PHC3: variants seen among roughly 807,000 people sequenced by gnomAD.
The protein encoded by PHC3 is polyhomeotic homolog 3.
PHC3 carries 13 observed loss-of-function variants against 107.4 expected under a neutral mutation model. The observed-to-expected ratio is 0.12, with a 90% CI of 0.08 to 0.19. The LOEUF is 0.19. PHC3 is among the 10% of genes least tolerant of loss of function. The probability of loss-of-function intolerance (pLI) is 1.00; values close to 1 mark genes in which losing one functional copy is unlikely to be tolerated. For synonymous variants in PHC3, 456 were observed against 427.4 expected (o/e 1.07, Z -0.83); for missense variants, 992 against 1,210.9 (o/e 0.82, Z 2.68).
At chr3:170,176,133 G>A (rs950784429) in intron 2 of PHC3, among the ~76,000 whole-genome samples, 3 of 151,096 alleles carry the variant, frequency 2.0e-5, no homozygotes, top group Non-Finnish European at 4.4e-5. Context: ...GGCTGAAGCA[G>A]GAGAATCGCT....
intron 8 of PHC3, among the ~76,000 whole-genome samples, chr3:170,124,863 A>G (rs1560056535): frequency 6.6e-6 from 1 of 152,226 alleles, no homozygotes; most frequent in Non-Finnish European, 1.5e-5. Flanking sequence ...TTTCACCTAT[A>G]AGGATATAAC....
rs1713648053 is a variant in PHC3, at chr3:170,087,896, C to T, written c.*9334G>A. 6.6e-6 allele frequency: 1 copy of T among 152,148 alleles called. No individual in the cohort carries two copies. The highest frequency in any genetic ancestry group is 6.5e-5 in the Admixed American group (1 of 15,270). The allele number at this position is 152,148 out of a possible 1,614,324, so 9.4% of individuals were successfully genotyped here. A position where few individuals can be genotyped will look rare whatever the true frequency, so the allele number is the denominator to read the frequency against. ...ACAAATATGAAAATCTAAATTCATA[C>T]ACATGCTACTTAATATGAAAGTGCT... On this transcript the variant is annotated 3_prime_UTR_variant, in exon 15 of 15. Coordinates refer to ENST00000495893, the MANE Select transcript of PHC3 (RefSeq NM_024947.4).
At chr3:170,134,169 G>A (rs924727427) in intron 7 of PHC3, among the ~76,000 whole-genome samples, 2 of 151,688 alleles carry the variant, frequency 1.3e-5, no homozygotes, top group African/African-American at 2.4e-5. Context: ...ATAAGAATTC[G>A]TGTCTAACTA....
At chr3:170,139,149 A>C (rs547639292) in intron 6 of PHC3, among the ~76,000 whole-genome samples, 5 of 152,314 alleles carry the variant, frequency 3.3e-5, no homozygotes, top group African/African-American at 1.2e-4. Flanking sequence ...TGAAATACTG[A>C]GACTCGCTAG....
chr3:170,143,723 T>C (rs144976265), intron 6 of PHC3, among the ~76,000 whole-genome samples: 1 of 152,294 alleles, frequency 6.6e-6, no homozygotes, highest in African/African-American at 2.4e-5. Context: ...GTAACTTACA[T>C]ACAATAAAAC....
chr3:170,171,264 A>G (rs1325163510), intron 4 of PHC3, 109 bp downstream of exon 4: 2 of 748,562 alleles, frequency 2.7e-6, no homozygotes, highest in African/African-American at 3.6e-5. Flanking sequence ...GTTACTTTAA[A>G]CAGCATGCAA....
intron 1 of PHC3, among the ~76,000 whole-genome samples, chr3:170,179,596 C>T (rs1731061538): frequency 6.6e-6 from 1 of 152,118 alleles, no homozygotes; most frequent in Non-Finnish European, 1.5e-5. Flanking sequence ...AGCAACTTCC[C>T]ATACCCTTAC....
At position 170,094,951 on chromosome 3, in the gene PHC3, G is replaced by A; in HGVS notation, c.*2279C>T. ...CAAAATTGATACCTTAAAGGCCATA[G>A]GTAATACAGTTATAGGATGTAATCA... On this transcript the variant is annotated 3_prime_UTR_variant, in exon 15 of 15. Transcript: ENST00000495893. 1 of 152,092 alleles carries A rather than the reference G, an allele frequency of 6.6e-6. No homozygotes were observed. The highest frequency in any genetic ancestry group is 2.4e-5 in the African/African-American group (1 of 41,428). 9.4% of individuals were successfully genotyped at this position (152,092 alleles called of 1,614,324 possible). A position where few individuals can be genotyped will look rare whatever the true frequency, so the allele number is the denominator to read the frequency against.
At chr3:170,125,514 T>G (rs190697477) in intron 8 of PHC3, among the ~76,000 whole-genome samples, 2 of 152,332 alleles carry the variant, frequency 1.3e-5, no homozygotes, top group Non-Finnish European at 2.9e-5. Flanking sequence ...CTCTCTTTAA[T>G]CCTAATGCAG....
intron 4 of PHC3, among the ~76,000 whole-genome samples, chr3:170,156,623 A>G (rs1726946825): frequency 6.7e-6 from 1 of 150,350 alleles, no homozygotes; most frequent in African/African-American, 2.5e-5. Flanking sequence ...TTTGAGATGG[A>G]GTCTCACTCT....
rs187757771 is a variant in PHC3, at chr3:170,155,211, T to C, written c.415-5967A>G. Among the ~76,000 whole-genome samples the C allele has an allele frequency of 1.2e-4, 19 of 152,310 alleles. 1 individual carries two copies. Among genetic ancestry groups the C allele is most frequent in the South Asian group, 6.2e-4 (3 of 4,832 alleles). Reference sequence around the variant, plus strand: ...CCCATAGCCAAAGTCCATTTGAGAGTTGCCTCTACCGTTTCACTGATCAGA... The same window carrying C: ...CCCATAGCCAAAGTCCATTTGAGAGCTGCCTCTACCGTTTCACTGATCAGA... On this transcript the variant is annotated intron_variant, in intron 4 of 14. Transcript: ENST00000495893.
chr3:170,181,588 C>A, intron 1 of PHC3, 114 bp downstream of exon 1: 2 of 1,502,264 alleles, frequency 1.3e-6, no homozygotes, highest in Non-Finnish European at 1.8e-6. Context: ...GGTCTCGAGT[C>A]TCTCTTTCCC....
intron 4 of PHC3, among the ~76,000 whole-genome samples, chr3:170,158,173 A>C (rs76689235): frequency 6.6e-6 from 1 of 152,268 alleles, no homozygotes; most frequent in Non-Finnish European, 1.5e-5. Flanking sequence ...GAGCTCTTCA[A>C]ACGTCATGAA....
chr3:170,102,602 G>A lies in PHC3; in HGVS notation c.2710C>T (p.Arg904Cys), dbSNP rs944861836. ...CGAATTCTCACATCCCGAAGCTCAC[G>A]TTCTCTTTCCCGCTCGCTCTGCCTG... ...LRRQSERERE[R>C]ELRDVRIRKM... The change falls in exon 14 of 15, where the codon CGT becomes TGT. Residue 904 changes from arginine to cysteine, a missense_variant. This residue lies in a region of PHC3 where 228 missense variants were observed against 288.8 expected (regional missense o/e 0.79). Coordinates refer to ENST00000495893, the MANE Select transcript of PHC3 (RefSeq NM_024947.4). 8.1e-6 allele frequency: 13 copies of A among 1,613,828 alleles called. No homozygotes were observed. The highest frequency in any genetic ancestry group is 5.3e-5 in the African/African-American group (4 of 74,908).
chr3:170,110,585 A>G (rs1454694259), intron 11 of PHC3, among the ~76,000 whole-genome samples: 1 of 152,196 alleles, frequency 6.6e-6, no homozygotes, highest in African/African-American at 2.4e-5. Context: ...CAGTGTGACT[A>G]TACCATCTGT....
rs1448069078 is a variant in PHC3, at chr3:170,092,278, G to C, written c.*4952C>G. On this transcript the variant is annotated 3_prime_UTR_variant, in exon 15 of 15. Transcript: ENST00000495893. ...GCCTCCCAAAGTGCTGGGATTACAG[G>C]TGTGAGCCACCATGCCCAGCCCCAA... 9 of 152,226 alleles carry C rather than the reference G, an allele frequency of 5.9e-5. No individual in the cohort carries two copies. The East Asian group carries it at 1.7e-3, about 29-fold the overall frequency. The allele number at this position is 152,226 out of a possible 1,614,324, so 9.4% of individuals were successfully genotyped here. A position where few individuals can be genotyped will look rare whatever the true frequency, so the allele number is the denominator to read the frequency against.
chr3:170,140,190 A>AAG (rs1203137457), intron 6 of PHC3, among the ~76,000 whole-genome samples: 43 of 148,544 alleles, frequency 2.9e-4, no homozygotes, highest in African/African-American at 8.6e-4. Context: ...TTCCCCAGAT[A>AAG]GCCTTACTGG....
Position 170,162,832 on chromosome 3 carries a change from C to G in PHC3, c.414+8541G>C, listed in dbSNP as rs116737874. 6.2e-3 allele frequency among the ~76,000 whole-genome samples: 948 copies of G among 152,260 alleles called. 11 individuals are homozygous for G. The highest frequency in any genetic ancestry group is 0.022 in the African/African-American group (910 of 41,546). On this transcript the variant is annotated intron_variant, in intron 4 of 14. Transcript: ENST00000495893. ...TGATGTCATCTTTAAACCACACTCC[C>G]ACTCTCACATTCCACTCCAGCCACA... is the stretch of plus-strand genomic sequence containing the variant.
chr3:170,129,112 T>C lies in PHC3; in HGVS notation c.1360A>G (p.Asn454Asp), dbSNP rs768326066. 6.2e-7 allele frequency: 1 copy of C among 1,613,230 alleles called. No individual in the cohort carries two copies. Among genetic ancestry groups the C allele is most frequent in the Non-Finnish European group, 8.5e-7 (1 of 1,179,514 alleles). ...AACTGTGCTGTAGCTTGCACCTGAT[T>C]AGCAGTGGACTGCTGCAAATTTGGC... Reference protein sequence around the residue: ...PGPNLQQSTANQVQATAQLNL... With the variant: ...PGPNLQQSTADQVQATAQLNL... The change falls in exon 8 of 15, where the codon AAT (asparagine) becomes GAT (aspartate). Residue 454 changes from asparagine (N) to aspartate (D), a missense_variant. Asn to Asp is a conservative substitution (Grantham distance 23). Coordinates refer to ENST00000495893, the MANE Select transcript of PHC3 (RefSeq NM_024947.4).
Sources: gnomAD v4.1 joint callset for allele counts (sites outside exome capture counted in the v4.1 genomes callset) on GRCh38, gnomAD v4.1.1 for gene constraint, gnomAD v4.1.1 regional missense constraint, MANE v1.5 for transcripts, NCBI Gene and HGNC (gene_info 2026-07-23, HGNC 2026-07-21) for gene names.